NMBR: variants seen among roughly 807,000 people sequenced by gnomAD.
NMBR encodes neuromedin-B receptor.
Under a neutral mutation model 20.5 loss-of-function variants are expected in NMBR, and 16 were observed. The ratio of observed to expected loss-of-function variants is 0.78; its 90% CI spans 0.53 to 1.19. NMBR has a LOEUF of 1.19. Ranked by LOEUF, NMBR falls within the 50% of genes most tolerant of loss-of-function variation. The pLI is 0.00. For missense variants in NMBR, 582 were observed against 499.1 expected (o/e 1.17, Z -1.58); for synonymous variants, 212 against 196.6 (o/e 1.08, Z -0.65).
chr6:142,143,105 C>A (rs1483917475), intron 1 of NMBR, among the ~76,000 whole-genome samples: 1 of 151,654 alleles, frequency 6.6e-6, no homozygotes, highest in Non-Finnish European at 1.5e-5. Context: ...TATAAATAAA[C>A]TTATGAGGAA....
chr6:142,144,762 T>C (rs1447223763), intron 1 of NMBR, among the ~76,000 whole-genome samples: 3 of 152,124 alleles, frequency 2.0e-5, no homozygotes, highest in African/African-American at 7.2e-5. Context: ...TTAGCATATT[T>C]AGAAAGAAGA....
intron 2 of NMBR, among the ~76,000 whole-genome samples, chr6:142,086,598 A>G (rs1293168354): frequency 6.6e-6 from 1 of 152,136 alleles, no homozygotes; most frequent in African/African-American, 2.4e-5. Context: ...TAGCCTACGG[A>G]CCAAGTAGAA....
intron 1 of NMBR, among the ~76,000 whole-genome samples, chr6:142,114,495 G>T (rs1208153886): frequency 6.6e-6 from 1 of 152,042 alleles, no homozygotes; most frequent in Non-Finnish European, 1.5e-5. Context: ...GTATTAATAT[G>T]AGACTCCTAT....
intron 1 of NMBR, among the ~76,000 whole-genome samples, chr6:142,107,705 G>A (rs979419338): frequency 1.6e-4 from 24 of 151,894 alleles, no homozygotes; most frequent in Admixed American, 3.3e-4. Context: ...CCCTTATACC[G>A]GAAAAATGTA....
intron 1 of NMBR, among the ~76,000 whole-genome samples, chr6:142,140,490 G>GA (rs1424986684): frequency 1.3e-5 from 2 of 151,856 alleles, no homozygotes; most frequent in African/African-American, 2.4e-5. Context: ...GGCAGGAAAG[G>GA]AAAAAAGAGA....
intron 2 of NMBR, among the ~76,000 whole-genome samples, chr6:142,086,284 A>G (rs775544910): frequency 3.9e-5 from 6 of 152,172 alleles, no homozygotes; most frequent in Admixed American, 1.3e-4. Context: ...TGCCTATCTA[A>G]CAGCATTGTG....
chr6:142,140,623 G>A (rs1778347968), intron 1 of NMBR, among the ~76,000 whole-genome samples: 1 of 152,062 alleles, frequency 6.6e-6, no homozygotes. Context: ...TTGTCTAAAT[G>A]TATCTTTTAA....
chr6:142,131,457 T>G (rs1212769371), intron 1 of NMBR, among the ~76,000 whole-genome samples: 1 of 152,174 alleles, frequency 6.6e-6, no homozygotes, highest in African/African-American at 2.4e-5. Flanking sequence ...TAAACAATGC[T>G]TATGCATTGA....
chr6:142,102,837 C>T (rs1482284621), intron 1 of NMBR, among the ~76,000 whole-genome samples: 1 of 152,178 alleles, frequency 6.6e-6, no homozygotes, highest in African/African-American at 2.4e-5. Context: ...TAAAAATAGA[C>T]CCCATGAGTG....
intron 1 of NMBR, among the ~76,000 whole-genome samples, chr6:142,122,364 T>C (rs566517364): frequency 6.6e-6 from 1 of 152,000 alleles, no homozygotes; most frequent in South Asian, 2.1e-4. Context: ...GCCATAAAAA[T>C]ATACCTTGTA....
rs554376513 is a variant in NMBR, at chr6:142,124,103, G to GA, written c.-664+22940dup. ...AGTCCCTGAAGACAGAAAGGGGACA[G>GA]AAAAAATATTTGAAAAAATAATGGC... On this transcript the variant is annotated intron_variant, in intron 1 of 3. Transcript: ENST00000258042. Among the ~76,000 whole-genome samples, 8 of 152,016 alleles carry GA rather than the reference G, an allele frequency of 5.3e-5. No homozygotes were observed. In the South Asian group the frequency reaches 1.7e-3, roughly 32 times the overall value.
intron 1 of NMBR, chr6:142,134,785 T>C (rs1242823190): frequency 1.4e-6 from 1 of 692,526 alleles, no homozygotes; most frequent in Admixed American, 2.1e-5. Context: ...GATTATAAGA[T>C]GCATGGTTCC....
At position 142,088,239 on chromosome 6, in the gene NMBR, G is replaced by A; in HGVS notation, c.420C>T (p.Asp140=). Residue 140 remains aspartate (D), a splice_region_variant and synonymous_variant, in exon 2 of 4, where the codon GAC becomes GAT. Coordinates refer to ENST00000258042, the MANE Select transcript of NMBR (RefSeq NM_002511.4). The stretch of plus-strand genomic sequence containing the variant: ...CTCACAGCTACCTGTGCTCTTACCT[G>A]TCGGCGCTGAGGGCAGTGAGAGTGA... ...SVFTLTALSA[D]RYRAIVNPMD... is the part of the protein sequence containing the mutation. The A allele has an allele frequency of 6.2e-7, 1 of 1,609,842 alleles. No individual in the cohort carries two copies. Among genetic ancestry groups the A allele is most frequent in the South Asian group, 1.1e-5 (1 of 91,056 alleles).
At chr6:142,135,773 A>G (rs1778243953) in intron 1 of NMBR, among the ~76,000 whole-genome samples, 1 of 151,498 alleles carries the variant, frequency 6.6e-6, no homozygotes, top group African/African-American at 2.4e-5. Context: ...GCGATAGTTT[A>G]CTGAGAATGA....
chr6:142,079,143 A>AAGAAAG (rs1172053613), intron 2 of NMBR, among the ~76,000 whole-genome samples: 17 of 109,500 alleles, frequency 1.6e-4, no homozygotes, highest in African/African-American at 6.4e-4. Flanking sequence ...GAAAGAAAGA[A>AAGAAAG]AAAGAAGAGA....
intron 1 of NMBR, among the ~76,000 whole-genome samples, chr6:142,096,191 C>T (rs1777448229): frequency 6.6e-6 from 1 of 152,078 alleles, no homozygotes; most frequent in East Asian, 1.9e-4. Flanking sequence ...TTGCCTTCTG[C>T]TAGCTTTTAA....
In NMBR at chr6:142,074,650, C is replaced by A. The variant is rs1482075711; in HGVS notation, c.*998G>T. Among the ~76,000 whole-genome samples the A allele has an allele frequency of 2.0e-5, 3 of 152,178 alleles. No individual in the cohort carries two copies. The highest frequency in any genetic ancestry group is 2.9e-5 in the Non-Finnish European group (2 of 67,958). On this transcript the variant is annotated 3_prime_UTR_variant, in exon 4 of 4. Transcript: ENST00000258042. ...AATTGCCTAAGTGTGATCCCACATA[C>A]TTGTCAGTTGGGTATTGCAAGAGAG...
chr6:142,104,747 G>A (rs949493129), intron 1 of NMBR, among the ~76,000 whole-genome samples: 1 of 152,074 alleles, frequency 6.6e-6, no homozygotes, highest in African/African-American at 2.4e-5. Flanking sequence ...TTTTGTTACA[G>A]TTTACTCAGA....
In NMBR at chr6:142,143,763, A is replaced by G. The variant is rs547277780; in HGVS notation, c.-664+3281T>C. Among the ~76,000 whole-genome samples, 6 of 146,270 alleles carry G rather than the reference A, an allele frequency of 4.1e-5. No individual in the cohort carries two copies. In the South Asian group the frequency reaches 1.3e-3, roughly 32 times the overall value. On this transcript the variant is annotated intron_variant, in intron 1 of 3. Transcript: ENST00000258042. ...GAAATACAGGAGATGTAGAATAGCCAACACAATTTTGCAAAAGCAAAGGAA... is the reference window on the plus strand; with the variant it reads ...GAAATACAGGAGATGTAGAATAGCCGACACAATTTTGCAAAAGCAAAGGAA...
Sources: allele counts gnomAD v4.1 joint callset (sites outside exome capture counted in the v4.1 genomes callset), GRCh38; gene constraint gnomAD v4.1.1; transcripts MANE v1.5; gene names NCBI Gene and HGNC (gene_info 2026-07-23, HGNC 2026-07-21).